ZNF544: variants seen among roughly 807,000 people sequenced by gnomAD.
ZNF544 encodes zinc finger protein 544.
A neutral mutation model predicts 13.5 loss-of-function variants in ZNF544; 10 were observed. That is an observed-to-expected ratio of 0.74 (90% CI 0.46 to 1.25). ZNF544 has a LOEUF of 1.25. ZNF544 is among the 50% of genes most tolerant of loss of function. The pLI is 0.00. For missense variants in ZNF544, 896 were observed against 845.6 expected, an observed-to-expected ratio of 1.06 and a Z score of -0.74; for synonymous variants, 323 against 300.5, an observed-to-expected ratio of 1.07 and a Z score of -0.77.
chr19:58,241,179 A>ATATATATATTT (rs1181835768), intron 3 of ZNF544, among the ~76,000 whole-genome samples: 2 of 72,764 alleles, frequency 2.7e-5, no homozygotes, highest in African/African-American at 1.2e-4. Flanking sequence ...ATATATATAT[A>ATATATATATTT]TTTTTTTTTT....
chr19:58,246,600 C>G (rs961133202), intron 5 of ZNF544, 111 bp from the exon 6 acceptor site: 2 of 1,465,970 alleles, frequency 1.4e-6, no homozygotes, highest in African/African-American at 2.8e-5. Context: ...GACTTGTAGT[C>G]CTAACAGTGG....
intron 3 of ZNF544, among the ~76,000 whole-genome samples, chr19:58,232,946 CAAAAAAAAAAA>C (rs71190012): frequency 0.026 from 1,181 of 46,128 alleles, 26 homozygotes; most frequent in African/African-American, 0.08. Flanking sequence ...GACTCCATCT[CAAAAAAAAAAA>C]AAAAAAAAAA....
chr19:58,273,145 T>C (rs771301073), intron 5 of ZNF544, among the ~76,000 whole-genome samples: 12 of 149,474 alleles, frequency 8.0e-5, no homozygotes, highest in Admixed American at 2.7e-4. Flanking sequence ...CGCACCATTG[T>C]ACTCCAGCCT....
At chr19:58,272,525 C>T (rs528100815) in intron 5 of ZNF544, among the ~76,000 whole-genome samples, 1 of 150,664 alleles carries the variant, frequency 6.6e-6, no homozygotes, top group East Asian at 2.0e-4. Flanking sequence ...CACTGCATTC[C>T]AGCCTGGGCA....
downstream of ZNF544, among the ~76,000 whole-genome samples, chr19:58,268,259 C>G (rs1288678531): frequency 6.6e-6 from 1 of 152,068 alleles, no homozygotes; most frequent in South Asian, 2.1e-4. Context: ...AGGTCTAGTG[C>G]CATTACACTC....
At chr19:58,241,921 TTCTCTCTC>T (rs143693031) in intron 3 of ZNF544, among the ~76,000 whole-genome samples, 1 of 149,510 alleles carries the variant, frequency 6.7e-6, no homozygotes, top group Non-Finnish European at 1.5e-5. Flanking sequence ...TGCTGTTCAC[TTCTCTCTC>T]TCTCTCTCTC....
At chr19:58,272,325 GC>G (rs2050732777) in intron 5 of ZNF544, among the ~76,000 whole-genome samples, 1 of 152,062 alleles carries the variant, frequency 6.6e-6, no homozygotes, top group South Asian at 2.1e-4. Flanking sequence ...ACAGACCAAG[GC>G]CCAGGTGGAA....
At chr19:58,270,503 T>C (rs747718405) in intron 5 of ZNF544, among the ~76,000 whole-genome samples, 1 of 152,156 alleles carries the variant, frequency 6.6e-6, no homozygotes, top group African/African-American at 2.4e-5. Context: ...GGTTTCACCA[T>C]GTTGGTCAGG....
chr19:58,241,179 A>ATATATTTT (rs1181835768), intron 3 of ZNF544, among the ~76,000 whole-genome samples: 1 of 72,776 alleles, frequency 1.4e-5, no homozygotes, highest in South Asian at 3.7e-4. Context: ...ATATATATAT[A>ATATATTTT]TTTTTTTTTT....
At chr19:58,271,462 C>A (rs2050627322) in intron 5 of ZNF544, among the ~76,000 whole-genome samples, 1 of 151,810 alleles carries the variant, frequency 6.6e-6, no homozygotes. Context: ...ATTAGCCGGG[C>A]ATAGTAGCAC....
At chr19:58,270,286 G>A (rs2449631) in intron 5 of ZNF544, among the ~76,000 whole-genome samples, 85,938 of 150,364 alleles carry the variant, frequency 0.57, 24,749 homozygotes, top group Middle Eastern at 0.66. Context: ...TAGCTGTGAC[G>A]TGAACCCTAG....
Position 58,229,506 on chromosome 19 carries a change from A to G in ZNF544, c.-193A>G, listed in dbSNP as rs2040743446. The stretch of plus-strand genomic sequence containing the variant: ...GCCTCCTGGCACAGCGGCACCAGGC[A>G]GGTGACGCCTATTGGACCCCAGAGG... On this transcript the variant is annotated 5_prime_UTR_variant, in exon 2 of 7. Transcript: ENST00000687789. 1 of 152,334 alleles carries G rather than the reference A, an allele frequency of 6.6e-6. No homozygotes were observed. Among genetic ancestry groups the G allele is most frequent in the Non-Finnish European group, 1.5e-5 (1 of 68,142 alleles). 9.4% of individuals were successfully genotyped at this position (152,334 alleles called of 1,614,324 possible).
At chr19:58,264,564 CAT>C (rs531408761), downstream of ZNF544, among the ~76,000 whole-genome samples, 312 of 150,732 alleles carry the variant, frequency 2.1e-3, 1 homozygote, top group African/African-American at 2.2e-3. Flanking sequence ...TGGTGGCACA[CAT>C]GTGTAATCCA....
At chr19:58,274,725 A>G (rs965219423) in intron 5 of ZNF544, among the ~76,000 whole-genome samples, 2 of 152,124 alleles carry the variant, frequency 1.3e-5, no homozygotes, top group African/African-American at 4.8e-5. Context: ...GCATTGTATT[A>G]TATTTTTTCA....
At chr19:58,249,384 C>T (rs886612547) in intron 6 of ZNF544, among the ~76,000 whole-genome samples, 6 of 152,264 alleles carry the variant, frequency 3.9e-5, no homozygotes, top group Admixed American at 6.5e-5. Context: ...TTCTTGATGG[C>T]CAGGGGTGGT....
At chr19:58,264,970 ACAC>A (rs1351021552), downstream of ZNF544, among the ~76,000 whole-genome samples, 1 of 152,142 alleles carries the variant, frequency 6.6e-6, no homozygotes, top group Non-Finnish European at 1.5e-5. Flanking sequence ...AGCTGAGATC[ACAC>A]CACTGCACTC....
chr19:58,259,133 G>C (rs2048340330), intron 6 of ZNF544: 2 of 152,256 alleles, frequency 1.3e-5, no homozygotes, highest in Admixed American at 1.3e-4. Context: ...AAGAGGCTAA[G>C]GACCTGTCTG....
At chr19:58,252,500 T>C (rs1160479623) in intron 6 of ZNF544, among the ~76,000 whole-genome samples, 1 of 152,226 alleles carries the variant, frequency 6.6e-6, no homozygotes, top group South Asian at 2.1e-4. Context: ...CACCTCTCTC[T>C]CCCGTACTTA....
chr19:58,229,804 G>A (rs260441), intron 2 of ZNF544: 43,231 of 152,324 alleles, frequency 0.28, 7,258 homozygotes, highest in East Asian at 0.36. Context: ...GATGGGGACC[G>A]TACAAGGCAG....
Sources: allele counts gnomAD v4.1 joint callset (sites outside exome capture counted in the v4.1 genomes callset), GRCh38; gene constraint gnomAD v4.1.1; transcripts MANE v1.5; gene names NCBI Gene and HGNC (gene_info 2026-07-23, HGNC 2026-07-21).